The following POM121C variants were observed in gnomAD, a reference collection of about 807,000 sequenced individuals.
POM121C encodes POM121 transmembrane nucleoporin C.
In POM121C, 20 loss-of-function variants were observed where a neutral mutation model predicts 66.4. The observed-to-expected ratio is 0.30, with a 90% CI of 0.21 to 0.44. POM121C has a LOEUF of 0.44. POM121C is among the 20% of genes least tolerant of loss of function. The pLI, the probability that POM121C is intolerant of heterozygous loss-of-function variation, is 1.00. For synonymous variants in POM121C, 286 were observed against 528.0 expected (o/e 0.54, Z 6.28); for missense variants, 580 against 1,225.7 (o/e 0.47, Z 7.87).
chr7:75,419,253 A>G (rs1285097547), intron 14 of POM121C, 67 bp downstream of exon 14: 12 of 1,532,764 alleles, frequency 7.8e-6, no homozygotes, highest in East Asian at 2.3e-5. Context: ...GAGGGCCAGG[A>G]GCCTGCCACC....
chr7:75,482,346 T>C (rs1297852011), intron 1 of POM121C, among the ~76,000 whole-genome samples: 1 of 152,034 alleles, frequency 6.6e-6, no homozygotes, highest in Non-Finnish European at 1.5e-5. Context: ...GAGGCTAAAG[T>C]GAAAGGACTG....
chr7:75,466,274 A>C (rs189880619), intron 3 of POM121C, among the ~76,000 whole-genome samples: 5 of 151,692 alleles, frequency 3.3e-5, no homozygotes, highest in Admixed American at 2.0e-4. Flanking sequence ...AGAAGAGCAA[A>C]ATAACCACAA....
Position 75,421,854 on chromosome 7 carries a change from C to T in POM121C, c.2398G>A (p.Val800Ile), listed in dbSNP as rs781873099. ...CTGGTGGCTGCACCGAAGGAGAAGA[C>T]AGCAGTGGAGCCGCCAAAGGCGGGC... ...SQPAFGGSTA[V>I]FSFGAATSSG... Residue 800 changes from valine to isoleucine, a missense_variant, in exon 13 of 15, where the codon GTC (valine) becomes ATC (isoleucine). Physicochemically the swap from Val to Ile is conservative, Grantham distance 29 (BLOSUM62 3). Transcript: ENST00000615331. The T allele has an allele frequency of 5.0e-5, 81 of 1,610,820 alleles. No homozygotes were observed. The highest frequency in any genetic ancestry group is 6.4e-5 in the Non-Finnish European group (76 of 1,179,216).
At chr7:75,454,775 A>C (rs587604001) in intron 3 of POM121C, among the ~76,000 whole-genome samples, 5 of 152,390 alleles carry the variant, frequency 3.3e-5, no homozygotes, top group Admixed American at 6.5e-5. Context: ...GCTATGGATA[A>C]AGAGATGGCA....
chr7:75,455,199 G>C (rs1554476179), intron 3 of POM121C, among the ~76,000 whole-genome samples: 1 of 152,332 alleles, frequency 6.6e-6, no homozygotes, highest in East Asian at 1.9e-4. Context: ...TACCACTGAT[G>C]ACACGGACAC....
At position 75,422,070 on chromosome 7, in the gene POM121C, T is replaced by G; in HGVS notation, c.2182A>C (p.Ser728Arg). 2 of 1,609,794 alleles carry G rather than the reference T, an allele frequency of 1.2e-6. No individual in the cohort carries two copies. Among genetic ancestry groups the G allele is most frequent in the Non-Finnish European group, 1.7e-6 (2 of 1,176,742 alleles). ...GCAGAGTTTCCAAAAGTGAAAGAGCTGCCAAAGCTGGGGGTAAGGGCTGGC... is the reference window on the plus strand; with the variant it reads ...GCAGAGTTTCCAAAAGTGAAAGAGCGGCCAAAGCTGGGGGTAAGGGCTGGC... ...AKPALTPSFG[S>R]SFTFGNSAAP... The change falls in exon 13 of 15, where the codon AGC (serine) becomes CGC (arginine). Residue 728 changes from serine to arginine, a missense_variant. Transcript: ENST00000615331.
intron 3 of POM121C, among the ~76,000 whole-genome samples, chr7:75,465,396 TG>T (rs1346125419): frequency 1.3e-5 from 2 of 148,614 alleles, no homozygotes; most frequent in Non-Finnish European, 3.0e-5. Context: ...GCTTGAGACC[TG>T]GAGTTCAAGA....
In POM121C at chr7:75,440,892, T is replaced by A. The variant is rs1233805087; in HGVS notation, c.227+62A>T. 2.5e-6 allele frequency: 4 copies of A among 1,613,174 alleles called. No homozygotes were observed. In the African/African-American group the frequency reaches 5.3e-5, roughly 22 times the overall value. The stretch of plus-strand genomic sequence containing the variant: ...GCCTCTGTATCTTTACGGGAATGTC[T>A]ACATCTCATCCCATAGGGGTCCAAG... On this transcript the variant is annotated intron_variant, in intron 5 of 14. Coordinates refer to ENST00000615331, the MANE Select transcript of POM121C (RefSeq NM_001099415.3).
In POM121C at chr7:75,441,260, T is replaced by C. The variant is rs1790636714; in HGVS notation, c.66-145A>G. ...CTTAGCAAGTAAAGCTACTTTTTCG[T>C]TAACGGCAAAAAGTGAAAAACAAAC... On this transcript the variant is annotated intron_variant, in intron 4 of 14. Transcript: ENST00000615331. 2.2e-6 allele frequency: 3 copies of C among 1,373,768 alleles called. No homozygotes were observed. The African/African-American group carries it at 4.4e-5, about 20-fold the overall frequency. The allele number at this position is 1,373,768 out of a possible 1,614,324, so 85.1% of individuals were successfully genotyped here.
At chr7:75,474,331 T>A (rs150161203) in intron 3 of POM121C, among the ~76,000 whole-genome samples, 2 of 152,094 alleles carry the variant, frequency 1.3e-5, no homozygotes, top group African/African-American at 4.8e-5. Context: ...GAGGTGATGG[T>A]TGCAGTGAGC....
At chr7:75,449,979 A>C (rs1484419354) in intron 3 of POM121C, among the ~76,000 whole-genome samples, 1 of 152,116 alleles carries the variant, frequency 6.6e-6, no homozygotes, top group Non-Finnish European at 1.5e-5. Flanking sequence ...GTGCCACTGC[A>C]CTCTAGCCTG....
At chr7:75,430,131 T>C (rs587682873) in intron 7 of POM121C, among the ~76,000 whole-genome samples, 2 of 152,316 alleles carry the variant, frequency 1.3e-5, no homozygotes, top group East Asian at 1.9e-4. Context: ...CCAATCAGTA[T>C]CTCAAAACTT....
At chr7:75,420,354 CT>C (rs1278751538) in intron 13 of POM121C, 3 of 152,456 alleles carry the variant, frequency 2.0e-5, no homozygotes, top group Non-Finnish European at 4.4e-5. Context: ...CCTGCACCCC[CT>C]GAGCTGCATC....
chr7:75,452,349 A>G (rs2116451380), intron 3 of POM121C, among the ~76,000 whole-genome samples: 1 of 152,188 alleles, frequency 6.6e-6, no homozygotes, highest in Middle Eastern at 3.4e-3. Flanking sequence ...AATCCCAGCT[A>G]CTAGGGAGGA....
In POM121C at chr7:75,418,610, C is replaced by T; in HGVS notation, c.*186G>A. ...GGCCCTCCGCATCCTGCTTCCCCTT[C>T]CCTGAGGCTTGTGCTTCCTCCAGAA... On this transcript the variant is annotated 3_prime_UTR_variant, in exon 15 of 15. Coordinates refer to ENST00000615331, the MANE Select transcript of POM121C (RefSeq NM_001099415.3). 3.0e-6 allele frequency: 4 copies of T among 1,321,852 alleles called. No individual in the cohort carries two copies. In the South Asian group the frequency reaches 6.6e-5, roughly 22 times the overall value. 81.9% of individuals were successfully genotyped at this position (1,321,852 alleles called of 1,614,324 possible).
chr7:75,464,856 C>CAAAAAAA (rs35562594), intron 3 of POM121C, among the ~76,000 whole-genome samples: 1 of 28,782 alleles, frequency 3.5e-5, no homozygotes, highest in African/African-American at 1.1e-4. Context: ...AACTCCATCT[C>CAAAAAAA]AAAAAAAAAA....
At chr7:75,476,171 G>C (rs1792067561) in intron 1 of POM121C, among the ~76,000 whole-genome samples, 1 of 152,038 alleles carries the variant, frequency 6.6e-6, no homozygotes, top group African/African-American at 2.4e-5. Flanking sequence ...CATGCCTGTA[G>C]TTCCAGCTAC....
In POM121C at chr7:75,482,009, G is replaced by A. The variant is rs587720679; in HGVS notation, c.-458+3855C>T. ...GCCTCCAGAAGTAGACAAATGCCAC[G>A]TATGGTATAGTTGTGTGAAAAGAAC... On this transcript the variant is annotated intron_variant, in intron 1 of 14. Transcript: ENST00000615331. 7.6e-3 allele frequency among the ~76,000 whole-genome samples: 1,155 copies of A among 151,908 alleles called. 19 individuals are homozygous for A. Among genetic ancestry groups the A allele is most frequent in the African/African-American group, 0.027 (1,097 of 41,368 alleles).
intron 3 of POM121C, among the ~76,000 whole-genome samples, chr7:75,453,008 G>C (rs1378552241): frequency 8.5e-5 from 13 of 152,178 alleles, no homozygotes; most frequent in Non-Finnish European, 1.8e-4. Flanking sequence ...TCTGGAAGCA[G>C]AAACAGGTGT....
Sources: gnomAD v4.1 joint callset for allele counts (sites outside exome capture counted in the v4.1 genomes callset) on GRCh38, gnomAD v4.1.1 for gene constraint, MANE v1.5 for transcripts, NCBI Gene and HGNC (gene_info 2026-07-23, HGNC 2026-07-21) for gene names.